MAPT: variants seen among roughly 807,000 people sequenced by gnomAD.
MAPT encodes the protein microtubule associated protein tau.
Under a neutral mutation model 67.9 loss-of-function variants are expected in MAPT, and 34 were observed. The observed-to-expected ratio is 0.50, with a 90% CI of 0.38 to 0.67. The LOEUF is 0.67. Among genes scored for constraint, MAPT ranks in the 30% least tolerant of loss-of-function variants. The pLI is 0.00. For synonymous variants in MAPT, 456 were observed against 464.5 expected (o/e 0.98, Z 0.23); for missense variants, 881 against 1,115.2 (o/e 0.79, Z 2.99).
At chr17:46,000,651 G>A (rs965293928) in intron 9 of MAPT, among the ~76,000 whole-genome samples, 1 of 152,200 alleles carries the variant, frequency 6.6e-6, no homozygotes, top group Non-Finnish European at 1.5e-5. Context: ...ACTCTAGTGT[G>A]CAGCCTGGCT....
chr17:45,965,636 G>T (rs889662923), intron 2 of MAPT, among the ~76,000 whole-genome samples: 4 of 151,750 alleles, frequency 2.6e-5, no homozygotes, highest in African/African-American at 7.2e-5. Flanking sequence ...GGCTCGTCTG[G>T]GACTCCTGAC....
chr17:45,939,020 G>T (rs749456531), intron 1 of MAPT, among the ~76,000 whole-genome samples: 1 of 151,928 alleles, frequency 6.6e-6, no homozygotes, highest in African/African-American at 2.4e-5. Context: ...CACCATGTTG[G>T]CCAGGCTGGT....
Position 45,938,236 on chromosome 17 carries a change from G to C in MAPT, c.-17-24085G>C, listed in dbSNP as rs962959409. Among the ~76,000 whole-genome samples, 10 of 152,192 alleles carry C rather than the reference G, an allele frequency of 6.6e-5. No homozygotes were observed. The South Asian group carries it at 2.1e-3, about 32-fold the overall frequency. On this transcript the variant is annotated intron_variant, in intron 1 of 12. Transcript: ENST00000262410. ...GAAATCAAGGTTTTGGCAAGGTTGC[G>C]GTCCTTTCTGGAGGGTCCAGGGGAG...
chr17:45,894,841 G>T (rs1237129514), intron 1 of MAPT, 155 bp downstream of exon 1: 1 of 152,006 alleles, frequency 6.6e-6, no homozygotes, highest in Non-Finnish European at 1.5e-5. Flanking sequence ...CTGCTCGGGG[G>T]CTGGGGCCAG....
chr17:45,903,847 A>G (rs1446215193), intron 1 of MAPT, among the ~76,000 whole-genome samples: 1 of 48,220 alleles, frequency 2.1e-5, no homozygotes, highest in African/African-American at 6.7e-5. Context: ...TATTTTATAT[A>G]TTATATATTA....
At chr17:45,908,429 A>G (rs1247984038) in intron 1 of MAPT, 4 of 152,260 alleles carry the variant, frequency 2.6e-5, no homozygotes, top group African/African-American at 9.6e-5. Flanking sequence ...TCCCTGAGCA[A>G]GGCAGACAAA....
At chr17:45,910,075 A>G (rs1198379903) in intron 1 of MAPT, among the ~76,000 whole-genome samples, 1 of 152,000 alleles carries the variant, frequency 6.6e-6, no homozygotes, top group African/African-American at 2.4e-5. Context: ...TCACTTTAAT[A>G]TTGTTATTTG....
At chr17:45,943,208 C>T (rs1233366056) in intron 1 of MAPT, among the ~76,000 whole-genome samples, 1 of 152,182 alleles carries the variant, frequency 6.6e-6, no homozygotes, top group Non-Finnish European at 1.5e-5. Context: ...TGTGCACCAT[C>T]GTGCCTAGCT....
In MAPT at chr17:45,983,895, G is replaced by A. The variant is rs561216332; in HGVS notation, c.1316G>A (p.Arg439Gln). 15 of 1,585,134 alleles carry A rather than the reference G, an allele frequency of 9.5e-6. No homozygotes were observed. The highest frequency in any genetic ancestry group is 6.7e-5 in the East Asian group (3 of 44,618). The part of the protein sequence containing the change: ...PSEKQPAAAP[R>Q]GKPVSRVPQL... The stretch of plus-strand genomic sequence containing the variant: ...GAAAAGCAGCCTGCTGCTGCTCCGC[G>A]GGGGAAGCCCGTCAGCCGGGTCCCT... The change falls in exon 5 of 13, where the codon CGG becomes CAG. Residue 439 changes from arginine (R) to glutamine (Q), a missense_variant. By Grantham distance (43) the Arg-to-Gln change is conservative (BLOSUM62 1). This residue lies in a region of MAPT where 687 missense variants were observed against 766.1 expected (regional missense o/e 0.90). Transcript: ENST00000262410.
At chr17:45,954,054 G>A (rs62062806) in intron 1 of MAPT, among the ~76,000 whole-genome samples, 21,821 of 152,212 alleles carry the variant, frequency 0.14, 2,137 homozygotes, top group Non-Finnish European at 0.22. Context: ...TAAAGAAGGA[G>A]TCTAAAAACT....
chr17:45,990,138 GTTTA>G (rs1258865606), intron 7 of MAPT, 63 bp downstream of exon 7: 29 of 1,487,794 alleles, frequency 1.9e-5, no homozygotes, highest in Non-Finnish European at 2.5e-5. Context: ...TGTGGGGTTT[GTTTA>G]TTTGTTTTTT....
intron 1 of MAPT, among the ~76,000 whole-genome samples, chr17:45,917,818 G>C (rs2065335354): frequency 6.6e-6 from 1 of 151,184 alleles, no homozygotes; most frequent in African/African-American, 2.4e-5. Flanking sequence ...CTGTCACCCA[G>C]GCTGGAGTGC....
intron 11 of MAPT, among the ~76,000 whole-genome samples, chr17:46,016,720 A>G (rs1331070438): frequency 6.6e-6 from 1 of 152,222 alleles, no homozygotes; most frequent in Non-Finnish European, 1.5e-5. Context: ...GCAGTGAGCC[A>G]AGATCGCGCC....
intron 1 of MAPT, among the ~76,000 whole-genome samples, chr17:45,920,265 A>C (rs1312869316): frequency 6.6e-6 from 1 of 152,202 alleles, no homozygotes; most frequent in Non-Finnish European, 1.5e-5. Context: ...GTGCTCGGCA[A>C]TGTTGACCAG....
Position 45,933,157 on chromosome 17 carries a change from A to ATTGTGTTCT in MAPT, c.-17-29160_-17-29159insGTTCTTTGT, listed in dbSNP as rs140324468. On this transcript the variant is annotated intron_variant, in intron 1 of 12. Transcript: ENST00000262410. Reference sequence around the variant, plus strand: ...AAGGGAGGAGTATTTTATCACTGGCATTGTTTAGGATTGCAGGCACATGAT... The same window carrying ATTGTGTTCT: ...AAGGGAGGAGTATTTTATCACTGGCATTGTGTTCTTTGTTTAGGATTGCAGGCACATGAT... 8.0e-3 allele frequency among the ~76,000 whole-genome samples: 1,215 copies of ATTGTGTTCT among 151,696 alleles called. 18 individuals carry two copies. Among genetic ancestry groups the ATTGTGTTCT allele is most frequent in the African/African-American group, 0.027 (1,122 of 41,394 alleles).
intron 1 of MAPT, among the ~76,000 whole-genome samples, chr17:45,938,831 T>TTTTAGACA: frequency 6.8e-6 from 1 of 147,952 alleles, no homozygotes; most frequent in Non-Finnish European, 1.5e-5. Flanking sequence ...TTTTTTTTTT[T>TTTTAGACA]GAGACAGAGT....
chr17:45,910,947 A>G (rs2064744304), intron 1 of MAPT, among the ~76,000 whole-genome samples: 1 of 152,232 alleles, frequency 6.6e-6, no homozygotes, highest in Admixed American at 6.5e-5. Flanking sequence ...CAGAAGGAGG[A>G]AAACCACCAT....
chr17:45,949,129 A>G (rs74531363), intron 1 of MAPT, among the ~76,000 whole-genome samples: 21,773 of 152,230 alleles, frequency 0.14, 2,115 homozygotes, highest in Non-Finnish European at 0.22. Flanking sequence ...AACTGAAGGG[A>G]TAAGGAGGAC....
At chr17:45,935,120 G>A (rs1436085736) in intron 1 of MAPT, among the ~76,000 whole-genome samples, 2 of 152,108 alleles carry the variant, frequency 1.3e-5, no homozygotes, top group South Asian at 2.1e-4. Flanking sequence ...ATCGACCATG[G>A]TAGGGCCTGC....
Sources: allele counts gnomAD v4.1 joint callset (sites outside exome capture counted in the v4.1 genomes callset), GRCh38; gene constraint gnomAD v4.1.1; regional missense constraint gnomAD v4.1.1; transcripts MANE v1.5; gene names NCBI Gene and HGNC (gene_info 2026-07-23, HGNC 2026-07-21).